PCDHGA2: variants seen among roughly 807,000 people sequenced by gnomAD.
PCDHGA2 encodes the protein protocadherin gamma subfamily A, 2, also known as protocadherin gamma-A2.
In PCDHGA2, 40 loss-of-function variants were observed where a neutral mutation model predicts 59.2. The observed-to-expected ratio is 0.68, with a 90% CI of 0.52 to 0.88. The LOEUF (loss-of-function observed/expected upper bound fraction) is 0.88. PCDHGA2 is among the 40% of genes least tolerant of loss of function. The probability of loss-of-function intolerance (pLI) is 0.00; values close to 1 mark genes in which losing one functional copy is unlikely to be tolerated. For missense variants in PCDHGA2, 1,226 were observed against 1,204.0 expected (o/e 1.02, Z -0.27); for synonymous variants, 560 against 526.0 (o/e 1.06, Z -0.89).
At chr5:141,393,592 G>C in intron 1 of PCDHGA2, 1 of 1,613,908 alleles carries the variant, frequency 6.2e-7, no homozygotes, top group Non-Finnish European at 8.5e-7. Context: ...CCAGGCACGC[G>C]GCTGCTTACT....
intron 2 of PCDHGA2, among the ~76,000 whole-genome samples, chr5:141,500,008 C>T (rs1027220192): frequency 6.6e-6 from 1 of 151,770 alleles, no homozygotes; most frequent in African/African-American, 2.4e-5. Flanking sequence ...TTCATAAGGT[C>T]CACATTTTAT....
rs184835272 is a variant in PCDHGA2, at chr5:141,470,234, C to A, written c.2425-24573C>A. ...AACCATTCAGCTTCTTCACCAAACC[C>A]TTGAATGTCCCACCTGTCTAAATGG... On this transcript the variant is annotated intron_variant, in intron 1 of 3. Transcript: ENST00000394576. Among the ~76,000 whole-genome samples, 6 of 152,288 alleles carry A rather than the reference C, an allele frequency of 3.9e-5. No individual in the cohort carries two copies. The East Asian group carries it at 9.6e-4, about 24-fold the overall frequency.
chr5:141,455,587 T>C (rs1383947901), intron 1 of PCDHGA2, among the ~76,000 whole-genome samples: 1 of 152,162 alleles, frequency 6.6e-6, no homozygotes, highest in African/African-American at 2.4e-5. Flanking sequence ...CCTTTTAATA[T>C]GCAAACGTAG....
At position 141,394,009 on chromosome 5, in the gene PCDHGA2, G is replaced by C. The variant is rs1554094356; in HGVS notation, c.2424+52614G>C. The C allele has an allele frequency of 1.2e-6, 2 of 1,613,394 alleles. No homozygotes were observed. Among genetic ancestry groups the C allele is most frequent in the Admixed American group, 3.3e-5 (2 of 59,950 alleles). On this transcript the variant is annotated intron_variant, in intron 1 of 3. Coordinates refer to ENST00000394576, the MANE Select transcript of PCDHGA2 (RefSeq NM_018915.4). ...CCTTTTAAATTAGAAAAGTCAATAG[G>C]TAATTATTATAGATTAGTGACAAGG... is the stretch of plus-strand genomic sequence containing the variant.
rs201372696 is a variant in PCDHGA2, at chr5:141,400,469, C to T, written c.2424+59074C>T. On this transcript the variant is annotated intron_variant, in intron 1 of 3. Coordinates refer to ENST00000394576, the MANE Select transcript of PCDHGA2 (RefSeq NM_018915.4). ...CAAGACATACTTTGTGGTGATTCATCTGGGGCCTTATTTCCACTTTGTAAT... is the reference window on the plus strand; with the variant it reads ...CAAGACATACTTTGTGGTGATTCATTTGGGGCCTTATTTCCACTTTGTAAT... 15 of 1,613,944 alleles carry T rather than the reference C, an allele frequency of 9.3e-6. No individual in the cohort carries two copies. The African/African-American group carries it at 1.9e-4, about 20-fold the overall frequency.
At chr5:141,415,342 T>C (rs1305683222) in intron 1 of PCDHGA2, 2 of 1,614,108 alleles carry the variant, frequency 1.2e-6, no homozygotes, top group African/African-American at 2.7e-5. Context: ...GCTGCGGCGC[T>C]GGCACAAGTC....
intron 1 of PCDHGA2, chr5:141,352,422 G>C (rs191134866): frequency 1.9e-6 from 3 of 1,613,936 alleles, no homozygotes. Flanking sequence ...GACACTGAGG[G>C]CTGCTTTCAA....
chr5:141,352,253 C>G lies in PCDHGA2; in HGVS notation c.2424+10858C>G, dbSNP rs752340715. 5 of 1,614,100 alleles carry G rather than the reference C, an allele frequency of 3.1e-6. No homozygotes were observed. The Admixed American group carries it at 5.0e-5, about 16-fold the overall frequency. On this transcript the variant is annotated intron_variant, in intron 1 of 3. Transcript: ENST00000394576. ...GCACCTAATCTTCGCGGATAGCCTG[C>G]AAGAGGTATTGCCAGACCTCAGCGA...
At chr5:141,417,007 C>A (rs1204390468) in intron 1 of PCDHGA2, 1 of 148,406 alleles carries the variant, frequency 6.7e-6, no homozygotes, top group Non-Finnish European at 1.5e-5. Flanking sequence ...TCAAATAATT[C>A]TATTATTTTG....
At chr5:141,506,241 G>C (rs2237081) in intron 3 of PCDHGA2, among the ~76,000 whole-genome samples, 78,081 of 151,504 alleles carry the variant, frequency 0.52, 20,775 homozygotes, top group African/African-American at 0.63. Context: ...ATGAGGTCAG[G>C]AGTTCGAAAC....
intron 2 of PCDHGA2, among the ~76,000 whole-genome samples, chr5:141,500,329 C>G (rs1384834356): frequency 6.6e-6 from 1 of 151,986 alleles, no homozygotes; most frequent in Non-Finnish European, 1.5e-5. Flanking sequence ...CTGCCTCAGC[C>G]TCCAGAATAG....
At position 141,339,671 on chromosome 5, in the gene PCDHGA2, G is replaced by C; in HGVS notation, c.700G>C (p.Asp234His). The change falls in exon 1 of 4, where the codon GAT becomes CAT. Residue 234 changes from aspartate to histidine, a missense_variant. Physicochemically the swap from Asp to His is moderately conservative, Grantham distance 81. Transcript: ENST00000394576. ...GTSRICVKVL[D>H]ANDNAPVFTQ... ...CTCCCGCATCTGCGTGAAGGTCCTG[G>C]ATGCGAACGACAATGCGCCTGTTTT... The C allele has an allele frequency of 6.2e-7, 1 of 1,614,180 alleles. No individual in the cohort carries two copies. Among genetic ancestry groups the C allele is most frequent in the Non-Finnish European group, 8.5e-7 (1 of 1,180,030 alleles).
chr5:141,451,299 A>T (rs1016384424), intron 1 of PCDHGA2, among the ~76,000 whole-genome samples: 17 of 152,228 alleles, frequency 1.1e-4, no homozygotes, highest in African/African-American at 3.4e-4. Flanking sequence ...AAAGTCTTAC[A>T]AGGCAGCAAT....
intron 1 of PCDHGA2, chr5:141,430,857 A>C (rs748992376): frequency 1.9e-6 from 3 of 1,591,316 alleles, no homozygotes; most frequent in Non-Finnish European, 2.6e-6. Flanking sequence ...CAGATACGCT[A>C]TTCAGTTCCG....
intron 1 of PCDHGA2, chr5:141,408,940 A>G: frequency 1.2e-6 from 2 of 1,613,658 alleles, no homozygotes; most frequent in Non-Finnish European, 1.7e-6. Context: ...GCAGAGACGA[A>G]TATAGAATTA....
chr5:141,346,089 G>T (rs1308654939), intron 1 of PCDHGA2: 3 of 1,613,746 alleles, frequency 1.9e-6, no homozygotes, highest in East Asian at 2.2e-5. Flanking sequence ...CAAACCCAAC[G>T]ATTCGGACCT....
intron 1 of PCDHGA2, chr5:141,362,316 T>C: frequency 1.2e-6 from 2 of 1,614,050 alleles, no homozygotes; most frequent in Non-Finnish European, 1.7e-6. Flanking sequence ...GGGACTGTTT[T>C]CAGCCTGGTC....
At chr5:141,374,953 A>G (rs748125378) in intron 1 of PCDHGA2, 1 of 1,614,024 alleles carries the variant, frequency 6.2e-7, no homozygotes, top group Non-Finnish European at 8.5e-7. Context: ...AGATCTCACA[A>G]ATTTTCTGTT....
chr5:141,377,605 C>CAAAAAA (rs71576112), intron 1 of PCDHGA2: 1 of 140,678 alleles, frequency 7.1e-6, no homozygotes. Flanking sequence ...CTCTCTCTCT[C>CAAAAAA]AAAAAAAAAA....
Sources: gnomAD v4.1 joint callset for allele counts (sites outside exome capture counted in the v4.1 genomes callset) on GRCh38, gnomAD v4.1.1 for gene constraint, MANE v1.5 for transcripts, NCBI Gene and HGNC (gene_info 2026-07-23, HGNC 2026-07-21) for gene names.